The following REXO1 variants were observed in gnomAD, a reference collection of about 807,000 sequenced individuals.
REXO1 encodes the protein RNA exonuclease 1 homolog.
Under a neutral mutation model 102.6 loss-of-function variants are expected in REXO1, and 42 were observed. The ratio of observed to expected loss-of-function variants is 0.41; its 90% confidence interval spans 0.32 to 0.53. The LOEUF is 0.53. REXO1 is among the 20% of genes least tolerant of loss of function. REXO1 has a pLI of 0.27. For synonymous variants in REXO1, 908 were observed against 779.1 expected, an observed-to-expected ratio of 1.17 and a Z score of -2.76; for missense variants, 1,819 against 1,732.5, an observed-to-expected ratio of 1.05 and a Z score of -0.89.
chr19:1,817,037 G>C, intron 12 of REXO1, 182 bp downstream of exon 12: 1 of 807,876 alleles, frequency 1.2e-6, no homozygotes, highest in Non-Finnish European at 1.9e-6. Context: ...TGCCCGGTGT[G>C]CTTGGCTCTG....
Position 1,836,561 on chromosome 19 carries a change from T to C in REXO1, c.158-7930A>G, listed in dbSNP as rs373484286. Among the ~76,000 whole-genome samples the C allele has an allele frequency of 1.9e-4, 29 of 151,778 alleles. 2 individuals are homozygous for C. Among genetic ancestry groups the C allele is most frequent in the East Asian group, 1.2e-3 (6 of 5,144 alleles). On this transcript the variant is annotated intron_variant, in intron 1 of 15. Transcript: ENST00000170168. ...AGGAGTTCGAGACCAGCCTGGACAA[T>C]AAGGTAAAACCCCGTCTCTACTAAG... is the stretch of plus-strand genomic sequence containing the variant.
intron 1 of REXO1, among the ~76,000 whole-genome samples, chr19:1,837,562 T>C (rs75847660): frequency 0.014 from 2,175 of 152,270 alleles, 54 homozygotes; most frequent in African/African-American, 0.05. Context: ...ATACCCTCTC[T>C]GAAATCCAAG....
chr19:1,846,815 C>T (rs2011562430), intron 1 of REXO1, among the ~76,000 whole-genome samples: 1 of 152,164 alleles, frequency 6.6e-6, no homozygotes, highest in Non-Finnish European at 1.5e-5. Flanking sequence ...ATCCCTTGAG[C>T]CCAGGAGGTC....
intron 5 of REXO1, among the ~76,000 whole-genome samples, chr19:1,820,663 C>T (rs2069506847): frequency 6.6e-6 from 1 of 152,184 alleles, no homozygotes; most frequent in South Asian, 2.1e-4. Context: ...TCCTAGAAAC[C>T]TAAAGTTGCT....
intron 1 of REXO1, among the ~76,000 whole-genome samples, chr19:1,846,506 G>A (rs1028350946): frequency 6.6e-6 from 1 of 152,214 alleles, no homozygotes; most frequent in African/African-American, 2.4e-5. Context: ...GGAACGGGGG[G>A]CAGACAGGAA....
chr19:1,821,506 TG>T lies in REXO1; in HGVS notation c.2394+12del. 1 of 1,612,624 alleles carries T rather than the reference TG, an allele frequency of 6.2e-7. No homozygotes were observed. Among genetic ancestry groups the T allele is most frequent in the Non-Finnish European group, 8.5e-7 (1 of 1,179,470 alleles). On this transcript the variant is annotated intron_variant, in intron 5 of 15. Transcript: ENST00000170168. ...TTGGGGGTGGTGGTCCTGGCCGAGATGGGAGGGGCTACCTGTAAGGATGGAC... is the reference window on the plus strand; with the variant it reads ...TTGGGGGTGGTGGTCCTGGCCGAGATGGAGGGGCTACCTGTAAGGATGGAC...
In REXO1 at chr19:1,823,635, G is replaced by A; in HGVS notation, c.2167C>T (p.His723Tyr). ...ARLAEKSPSV[H>Y]ISAPGEKRRI... ...CTCTTCTCGCCAGGGGCGGAAATGT[G>A]GACGGAGGGCGACTTCTCTGCCAGC... The change falls in exon 4 of 16, where the codon CAC becomes TAC. Residue 723 changes from histidine to tyrosine, a missense_variant. Coordinates refer to ENST00000170168, the MANE Select transcript of REXO1 (RefSeq NM_020695.4). 4 of 1,311,274 alleles carry A rather than the reference G, an allele frequency of 3.1e-6. No individual in the cohort carries two copies. The highest frequency in any genetic ancestry group is 3.4e-5 in the Admixed American group (1 of 29,450). 81.2% of individuals were successfully genotyped at this position (1,311,274 alleles called of 1,614,324 possible). A position where few individuals can be genotyped will look rare whatever the true frequency, so the allele number is the denominator to read the frequency against.
chr19:1,821,640 T>G lies in REXO1; in HGVS notation c.2273A>C (p.Gln758Pro), dbSNP rs764572226. ...AKRTLAASGS[Q>P]SSNGPEPGGQ... ...ACCTGGCTCAGGGCCGTTGGAGGAC[T>G]GGCTGCCGCTGGCCGCAAGGGTCCT... The change falls in exon 5 of 16, where the codon CAG (glutamine) becomes CCG (proline). Residue 758 changes from glutamine (Q) to proline (P), a missense_variant. Physicochemically the swap from Gln to Pro is moderately conservative, Grantham distance 76 (BLOSUM62 -1). Coordinates refer to ENST00000170168, the MANE Select transcript of REXO1 (RefSeq NM_020695.4). 1.2e-6 allele frequency: 2 copies of G among 1,613,088 alleles called. No individual in the cohort carries two copies. Among genetic ancestry groups the G allele is most frequent in the South Asian group, 2.2e-5 (2 of 91,070 alleles).
chr19:1,844,533 C>T (rs1430710394), intron 1 of REXO1, among the ~76,000 whole-genome samples: 1 of 152,184 alleles, frequency 6.6e-6, no homozygotes, highest in Non-Finnish European at 1.5e-5. Context: ...ATACTGGGTA[C>T]ACAGTGGGTG....
chr19:1,815,567 C>G lies in REXO1; in HGVS notation c.*499G>C, dbSNP rs1472190315. ...ACTGGGGTCTGTCCCACCCCCACCC[C>G]GCAGGAGGGAAGGCAGCAGGCCCGC... On this transcript the variant is annotated 3_prime_UTR_variant, in exon 16 of 16. Coordinates refer to ENST00000170168, the MANE Select transcript of REXO1 (RefSeq NM_020695.4). This position sits in a 1 kb window ranked among gnomAD's most constrained non-coding sequence, Gnocchi z 4.0. 1.4e-6 allele frequency: 1 copy of G among 730,162 alleles called. No homozygotes were observed. Among genetic ancestry groups the G allele is most frequent in the African/African-American group, 1.9e-5 (1 of 53,552 alleles). The allele number at this position is 730,162 out of a possible 1,614,324, so 45.2% of individuals were successfully genotyped here.
chr19:1,826,037 G>A lies in REXO1; in HGVS notation c.1912-94C>T. On this transcript the variant is annotated intron_variant, in intron 2 of 15. Transcript: ENST00000170168. This position sits in a 1 kb window ranked among gnomAD's most constrained non-coding sequence, Gnocchi z 4.3. ...AACTGCCCCCGGCAAGTGGGGAATG[G>A]AACAGTCCAGCCCCCAGGCACAGCA... The A allele has an allele frequency of 1.2e-6, 1 of 857,074 alleles. No homozygotes were observed. The highest frequency in any genetic ancestry group is 2.0e-6 in the Non-Finnish European group (1 of 511,022). The allele number at this position is 857,074 out of a possible 1,614,324, so 53.1% of individuals were successfully genotyped here.
chr19:1,817,450 G>A (rs2069403367), intron 11 of REXO1, 121 bp from the exon 12 acceptor site: 1 of 1,501,342 alleles, frequency 6.7e-7, no homozygotes. Flanking sequence ...CCATTCACTG[G>A]TTGGGACCCT....
rs750938334 is a variant in REXO1, at chr19:1,819,116, C to G, written c.2666G>C (p.Arg889Thr). ...CAACACCACCTCGTGGGACACAACCCTGCGGCCACTGGTTTCTGGAAGGAA... is the reference window on the plus strand; with the variant it reads ...CAACACCACCTCGTGGGACACAACCGTGCGGCCACTGGTTTCTGGAAGGAA... ...VPGLSKTSGR[R>T]VVSHEVVLGG... The change falls in exon 8 of 16, where the codon AGG (arginine) becomes ACG (threonine). Residue 889 changes from arginine to threonine, a missense_variant. Physicochemically the swap from Arg to Thr is moderately conservative, Grantham distance 71. Coordinates refer to ENST00000170168, the MANE Select transcript of REXO1 (RefSeq NM_020695.4). The G allele has an allele frequency of 6.3e-7, 1 of 1,577,050 alleles. No homozygotes were observed. The highest frequency in any genetic ancestry group is 2.3e-5 in the East Asian group (1 of 44,322).
chr19:1,841,789 C>T (rs2011295036), intron 1 of REXO1, among the ~76,000 whole-genome samples: 1 of 152,148 alleles, frequency 6.6e-6, no homozygotes, highest in South Asian at 2.1e-4. Flanking sequence ...CACGCTTGTC[C>T]CCGCTGACCC....
At chr19:1,831,672 A>G (rs923843028) in intron 1 of REXO1, among the ~76,000 whole-genome samples, 35 of 151,458 alleles carry the variant, frequency 2.3e-4, no homozygotes, top group African/African-American at 8.5e-4. Context: ...GAAAAACCCC[A>G]TCTCTACTAA....
intron 10 of REXO1, 22 bp from the exon 11 acceptor site, chr19:1,817,802 A>C: frequency 6.2e-7 from 1 of 1,605,402 alleles, no homozygotes; most frequent in Non-Finnish European, 8.5e-7. Context: ...ACAGACACAC[A>C]GTCAGGGCCC....
intron 4 of REXO1, 77 bp from the exon 5 acceptor site, chr19:1,821,759 G>A: frequency 7.4e-7 from 1 of 1,358,312 alleles, no homozygotes. Context: ...GGCAGCCGCG[G>A]CCGCTCAGCG....
At chr19:1,816,658 G>T in intron 13 of REXO1, 40 bp downstream of exon 13, 1 of 1,604,246 alleles carries the variant, frequency 6.2e-7, no homozygotes, top group Non-Finnish European at 8.5e-7. Context: ...GGGAGAGGCG[G>T]CTGGGAGGGC....
Position 1,831,858 on chromosome 19 carries a change from A to G in REXO1, c.158-3227T>C, listed in dbSNP as rs976053299. On this transcript the variant is annotated intron_variant, in intron 1 of 15. Transcript: ENST00000170168. ...AAAACTCCATCTCAAAAAAAAAAAA[A>G]AAAAAAAAAGAAAGAAAAAGAAAAA... 2.7e-3 allele frequency among the ~76,000 whole-genome samples: 154 copies of G among 56,400 alleles called. 1 individual carries two copies. The highest frequency in any genetic ancestry group is 5.6e-3 in the African/African-American group (151 of 26,928). 37.0% of individuals were successfully genotyped at this position (56,400 alleles called of 152,430 possible). A position where few individuals can be genotyped will look rare whatever the true frequency, so the allele number is the denominator to read the frequency against.
Sources: allele counts gnomAD v4.1 joint callset (sites outside exome capture counted in the v4.1 genomes callset), GRCh38; gene constraint gnomAD v4.1.1; non-coding constraint Gnocchi (gnomAD v3.1); transcripts MANE v1.5; gene names NCBI Gene and HGNC (gene_info 2026-07-23, HGNC 2026-07-21).